RAB10: variants seen among roughly 807,000 people sequenced by gnomAD.
The protein encoded by RAB10 is ras-related protein Rab-10.
A neutral mutation model predicts 25.7 loss-of-function variants in RAB10; 5 were observed. The ratio of observed to expected loss-of-function variants is 0.19; its 90% CI spans 0.10 to 0.41. RAB10 has a LOEUF of 0.41. Among genes scored for constraint, RAB10 ranks in the 10% least tolerant of loss-of-function variants. RAB10 has a pLI of 1.00. For missense variants in RAB10, 103 were observed against 245.8 expected, an observed-to-expected ratio of 0.42 and a Z score of 3.89; for synonymous variants, 89 against 86.4, an observed-to-expected ratio of 1.03 and a Z score of -0.16.
At chr2:26,134,439 A>C (rs1668068121) in intron 5 of RAB10, among the ~76,000 whole-genome samples, 1 of 152,210 alleles carries the variant, frequency 6.6e-6, no homozygotes, top group African/African-American at 2.4e-5. Context: ...TTTTAACATG[A>C]ATTAGATAAC....
chr2:26,081,422 T>C (rs1666867192), intron 1 of RAB10, among the ~76,000 whole-genome samples: 2 of 152,138 alleles, frequency 1.3e-5, no homozygotes, highest in Admixed American at 1.3e-4. Context: ...TTCTATGGAA[T>C]ACCTGACTGT....
chr2:26,088,220 G>A (rs1240582594), intron 1 of RAB10, among the ~76,000 whole-genome samples: 1 of 152,156 alleles, frequency 6.6e-6, no homozygotes, highest in South Asian at 2.1e-4. Flanking sequence ...TGATAGAGTG[G>A]CTAGAGGTTG....
At chr2:26,076,869 G>C (rs1308202553) in intron 1 of RAB10, among the ~76,000 whole-genome samples, 2 of 150,494 alleles carry the variant, frequency 1.3e-5, no homozygotes, top group Non-Finnish European at 3.0e-5. Flanking sequence ...ACTTGAACCC[G>C]GGAGGCGGAA....
rs952850168 is a variant in RAB10, at chr2:26,038,794, C to T, written c.127+4059C>T. ...AAAATTAGCTGTCCGTGGTGGTGGGCGCTTGTAGTCCCAGCTGCTCGGGAG... is the reference window on the plus strand; with the variant it reads ...AAAATTAGCTGTCCGTGGTGGTGGGTGCTTGTAGTCCCAGCTGCTCGGGAG... On this transcript the variant is annotated intron_variant, in intron 1 of 5. Transcript: ENST00000264710. Among the ~76,000 whole-genome samples, 12 of 151,200 alleles carry T rather than the reference C, an allele frequency of 7.9e-5. No individual in the cohort carries two copies. The East Asian group carries it at 1.8e-3, about 23-fold the overall frequency.
chr2:26,105,549 G>A (rs1162354185), intron 2 of RAB10, among the ~76,000 whole-genome samples: 1 of 152,138 alleles, frequency 6.6e-6, no homozygotes, highest in Admixed American at 6.5e-5. Context: ...CAGCTACTTG[G>A]GAGGCTGAGA....
intron 1 of RAB10, among the ~76,000 whole-genome samples, chr2:26,081,509 A>T (rs766946303): frequency 6.6e-6 from 1 of 152,232 alleles, no homozygotes; most frequent in Non-Finnish European, 1.5e-5. Flanking sequence ...GGAGACATAC[A>T]GCTAAATGCA....
chr2:26,046,317 C>T (rs1188230867), intron 1 of RAB10, among the ~76,000 whole-genome samples: 1 of 149,316 alleles, frequency 6.7e-6, no homozygotes. Context: ...AAGAGTGAAA[C>T]TCCGTCTCAA....
At chr2:26,044,547 G>GTTT (rs756777839) in intron 1 of RAB10, among the ~76,000 whole-genome samples, 8 of 142,408 alleles carry the variant, frequency 5.6e-5, no homozygotes, top group African/African-American at 1.8e-4. Flanking sequence ...TGGCTAATTA[G>GTTT]TTTTTTTTTT....
At chr2:26,131,699 T>A (rs1049248569) in intron 5 of RAB10, among the ~76,000 whole-genome samples, 2 of 152,182 alleles carry the variant, frequency 1.3e-5, no homozygotes, top group African/African-American at 4.8e-5. Context: ...TGTAATTAAT[T>A]TATCAGTTAT....
chr2:26,046,081 T>C (rs1665996257), intron 1 of RAB10, among the ~76,000 whole-genome samples: 1 of 152,154 alleles, frequency 6.6e-6, no homozygotes, highest in African/African-American at 2.4e-5. Flanking sequence ...TCCCAGCACT[T>C]TGGGAGGCCA....
chr2:26,096,171 A>G (rs1467699196), intron 1 of RAB10, among the ~76,000 whole-genome samples: 1 of 152,272 alleles, frequency 6.6e-6, no homozygotes, highest in African/African-American at 2.4e-5. Context: ...TTTGTCTGCA[A>G]ATTTACTTAA....
intron 1 of RAB10, among the ~76,000 whole-genome samples, chr2:26,071,930 C>G (rs1209426029): frequency 6.6e-6 from 1 of 151,980 alleles, no homozygotes; most frequent in Non-Finnish European, 1.5e-5. Flanking sequence ...AGTGTGACAG[C>G]TTTTCTGTAC....
chr2:26,109,730 CA>C, intron 2 of RAB10, 37 bp from the exon 3 acceptor site: 1 of 1,500,444 alleles, frequency 6.7e-7, no homozygotes, highest in African/African-American at 1.4e-5. Context: ...GTAGTAATAT[CA>C]AAATGCTTAA....
intron 2 of RAB10, among the ~76,000 whole-genome samples, chr2:26,100,516 A>G (rs757732816): frequency 2.0e-5 from 3 of 152,080 alleles, no homozygotes. Context: ...TTAAAAAGGT[A>G]TATTTCCTTA....
At chr2:26,119,336 A>G (rs990545473) in intron 3 of RAB10, among the ~76,000 whole-genome samples, 1 of 152,154 alleles carries the variant, frequency 6.6e-6, no homozygotes. Flanking sequence ...ACCTGAGCCC[A>G]GGAGATCAAG....
At chr2:26,111,173 A>G (rs1667560445) in intron 3 of RAB10, among the ~76,000 whole-genome samples, 1 of 152,218 alleles carries the variant, frequency 6.6e-6, no homozygotes, top group Admixed American at 6.5e-5. Flanking sequence ...CCAGATACAC[A>G]AAGACCAAGT....
chr2:26,082,201 A>G (rs1484470945), intron 1 of RAB10, among the ~76,000 whole-genome samples: 1 of 152,154 alleles, frequency 6.6e-6, no homozygotes, highest in Non-Finnish European at 1.5e-5. Flanking sequence ...GGAAGGGGAA[A>G]AAATGGAAGT....
chr2:26,034,071 C>G (rs1241610997), upstream of RAB10: 3 of 402,276 alleles, frequency 7.5e-6, no homozygotes, highest in African/African-American at 2.1e-5. Flanking sequence ...GGCGGGCGTA[C>G]GCCCTTGCGT....
intron 1 of RAB10, among the ~76,000 whole-genome samples, chr2:26,077,815 T>G (rs1342667776): frequency 6.6e-6 from 1 of 151,838 alleles, no homozygotes; most frequent in Non-Finnish European, 1.5e-5. Flanking sequence ...CCGTCTCTGT[T>G]AAAAATACAA....
Sources: gnomAD v4.1 joint callset for allele counts (sites outside exome capture counted in the v4.1 genomes callset) on GRCh38, gnomAD v4.1.1 for gene constraint, MANE v1.5 for transcripts, NCBI Gene and HGNC (gene_info 2026-07-23, HGNC 2026-07-21) for gene names.